KCND2: variants seen among roughly 807,000 people sequenced by gnomAD.
The protein encoded by KCND2 is A-type voltage-gated potassium channel KCND2.
KCND2 carries 16 observed loss-of-function variants against 54.4 expected under a neutral mutation model. That is an observed-to-expected ratio of 0.29 (90% CI 0.20 to 0.45). The LOEUF (loss-of-function observed/expected upper bound fraction) is 0.45. Among genes scored for constraint, KCND2 ranks in the 20% least tolerant of loss-of-function variants. KCND2 has a pLI of 1.00. For synonymous variants in KCND2, 317 were observed against 310.7 expected, an observed-to-expected ratio of 1.02 and a Z score of -0.21; for missense variants, 486 against 824.2, an observed-to-expected ratio of 0.59 and a Z score of 5.02.
chr7:120,666,654 G>T (rs1791930878), intron 1 of KCND2, among the ~76,000 whole-genome samples: 1 of 151,796 alleles, frequency 6.6e-6, no homozygotes, highest in Admixed American at 6.6e-5. Context: ...CATCCCTCAG[G>T]CCTGCCCTCT....
intron 1 of KCND2, among the ~76,000 whole-genome samples, chr7:120,680,113 A>G (rs1031071061): frequency 1.3e-5 from 2 of 152,148 alleles, no homozygotes; most frequent in African/African-American, 2.4e-5. Flanking sequence ...TCATTAACTG[A>G]TATAAGAAAC....
intron 1 of KCND2, among the ~76,000 whole-genome samples, chr7:120,283,535 A>T (rs1439662858): frequency 1.3e-5 from 2 of 152,202 alleles, no homozygotes; most frequent in East Asian, 3.8e-4. Flanking sequence ...TATCTAAAAA[A>T]TGAGTATTTT....
chr7:120,745,375 A>G (rs1792992467), intron 4 of KCND2, among the ~76,000 whole-genome samples: 2 of 151,932 alleles, frequency 1.3e-5, no homozygotes, highest in Non-Finnish European at 2.9e-5. Context: ...AAAATAATCT[A>G]TTTTCCATAA....
chr7:120,313,317 A>C (rs1432905743), intron 1 of KCND2, among the ~76,000 whole-genome samples: 1 of 152,206 alleles, frequency 6.6e-6, no homozygotes, highest in Non-Finnish European at 1.5e-5. Flanking sequence ...CATAATAGAT[A>C]AAATATTTCT....
intron 1 of KCND2, among the ~76,000 whole-genome samples, chr7:120,715,811 T>A (rs1421693278): frequency 6.6e-6 from 1 of 152,106 alleles, no homozygotes; most frequent in East Asian, 1.9e-4. Flanking sequence ...TGACTTGATA[T>A]TAAAGCCAAC....
chr7:120,618,146 C>A (rs1376678355), intron 1 of KCND2, among the ~76,000 whole-genome samples: 1 of 152,004 alleles, frequency 6.6e-6, no homozygotes, highest in Non-Finnish European at 1.5e-5. Context: ...GCGCATGTAC[C>A]CCCTGAACCA....
chr7:120,437,591 A>G (rs928141817), intron 1 of KCND2, among the ~76,000 whole-genome samples: 4 of 152,226 alleles, frequency 2.6e-5, no homozygotes, highest in Non-Finnish European at 5.9e-5. Context: ...AGCATTGATA[A>G]TATAATGATA....
Position 120,683,738 on chromosome 7 carries a change from C to A in KCND2, c.1116-49165C>A, listed in dbSNP as rs191377166. ...AGTTACAACAAAAGTAAGTTATAAT[C>A]CAAAAAAATAGAAAAATAAAGGATT... On this transcript the variant is annotated intron_variant, in intron 1 of 5. Transcript: ENST00000331113. Among the ~76,000 whole-genome samples the A allele has an allele frequency of 6.2e-4, 94 of 151,214 alleles. 2 individuals are homozygous for A. Among genetic ancestry groups the A allele is most frequent in the Admixed American group, 3.1e-3 (47 of 15,176 alleles).
intron 1 of KCND2, among the ~76,000 whole-genome samples, chr7:120,555,591 A>G (rs1792153959): frequency 6.6e-6 from 1 of 152,224 alleles, no homozygotes; most frequent in Admixed American, 6.5e-5. Context: ...TTTGCTCAAG[A>G]TTTATTTTAT....
At chr7:120,390,913 A>G (rs907447823) in intron 1 of KCND2, among the ~76,000 whole-genome samples, 7 of 151,980 alleles carry the variant, frequency 4.6e-5, no homozygotes, top group African/African-American at 2.4e-5. Flanking sequence ...ATTTTTTTAA[A>G]TTTTACTTTA....
intron 1 of KCND2, among the ~76,000 whole-genome samples, chr7:120,549,412 G>A (rs565850159): frequency 6.6e-6 from 1 of 152,230 alleles, no homozygotes; most frequent in African/African-American, 2.4e-5. Context: ...AAAACAGAAA[G>A]GTGAAGAGAG....
chr7:120,377,245 T>A (rs1224360134), intron 1 of KCND2, among the ~76,000 whole-genome samples: 3 of 152,092 alleles, frequency 2.0e-5, no homozygotes, highest in Non-Finnish European at 1.5e-5. Context: ...GATATAGATT[T>A]ATTTTTGAAT....
At chr7:120,336,374 A>C (rs1472887281) in intron 1 of KCND2, among the ~76,000 whole-genome samples, 2 of 152,100 alleles carry the variant, frequency 1.3e-5, no homozygotes, top group Non-Finnish European at 2.9e-5. Flanking sequence ...AGGGTCATAT[A>C]TGTTTTAGAG....
At chr7:120,515,821 T>A (rs1260752720) in intron 1 of KCND2, among the ~76,000 whole-genome samples, 1 of 152,062 alleles carries the variant, frequency 6.6e-6, no homozygotes, top group Admixed American at 6.6e-5. Flanking sequence ...GCAGATCCTT[T>A]CCCTTTCCTT....
intron 1 of KCND2, among the ~76,000 whole-genome samples, chr7:120,396,111 T>G (rs536381867): frequency 0.061 from 9,266 of 152,070 alleles, 870 homozygotes; most frequent in African/African-American, 0.21. Context: ...TAGGTACAAG[T>G]CCAGGGCCTG....
At chr7:120,736,709 GT>G (rs140588173) in intron 2 of KCND2, among the ~76,000 whole-genome samples, 5,103 of 151,208 alleles carry the variant, frequency 0.034, 160 homozygotes, top group African/African-American at 0.076. Flanking sequence ...TTTTATATCT[GT>G]TTTTTTTGTA....
chr7:120,351,696 A>G (rs753623575), intron 1 of KCND2, among the ~76,000 whole-genome samples: 21 of 152,192 alleles, frequency 1.4e-4, no homozygotes, highest in Non-Finnish European at 2.2e-4. Context: ...AAAAATGTCC[A>G]TGCTGAAAAA....
intron 1 of KCND2, among the ~76,000 whole-genome samples, chr7:120,676,916 T>C (rs1381981062): frequency 6.6e-6 from 1 of 152,234 alleles, no homozygotes; most frequent in Non-Finnish European, 1.5e-5. Flanking sequence ...AAAGGACTTA[T>C]CTGAAGTGAT....
chr7:120,359,345 C>T (rs769201178), intron 1 of KCND2, among the ~76,000 whole-genome samples: 10 of 151,798 alleles, frequency 6.6e-5, no homozygotes, highest in Non-Finnish European at 1.2e-4. Flanking sequence ...ATAAATTTGC[C>T]TCTCTGATGG....
Sources: gnomAD v4.1 joint callset for allele counts (sites outside exome capture counted in the v4.1 genomes callset) on GRCh38, gnomAD v4.1.1 for gene constraint, MANE v1.5 for transcripts, NCBI Gene and HGNC (gene_info 2026-07-23, HGNC 2026-07-21) for gene names.